ARHGAP32: variants seen among roughly 807,000 people sequenced by gnomAD.
The protein encoded by ARHGAP32 is Rho GTPase activating protein 32, also known as rho GTPase-activating protein 32.
A neutral mutation model predicts 186.5 loss-of-function variants in ARHGAP32; 51 were observed. The ratio of observed to expected loss-of-function variants is 0.27; its 90% confidence interval spans 0.22 to 0.35. The LOEUF is 0.35. Ranked by LOEUF, ARHGAP32 falls within the 10% of genes least tolerant of loss-of-function variation. ARHGAP32 has a pLI of 1.00. For missense variants in ARHGAP32, 2,186 were observed against 2,623.5 expected (o/e 0.83, Z 3.64); for synonymous variants, 950 against 964.3 (o/e 0.99, Z 0.27).
At chr11:128,984,395 A>G (rs1945802701) in intron 15 of ARHGAP32, among the ~76,000 whole-genome samples, 1 of 151,928 alleles carries the variant, frequency 6.6e-6, no homozygotes, top group Non-Finnish European at 1.5e-5. Flanking sequence ...AGGAAATAGA[A>G]AACACCCCAT....
At chr11:129,274,912 A>C (rs1448581353) in intron 1 of ARHGAP32, among the ~76,000 whole-genome samples, 2 of 152,022 alleles carry the variant, frequency 1.3e-5, no homozygotes, top group East Asian at 1.9e-4. Flanking sequence ...TTTCTAAAAA[A>C]AAAAAAAAGC....
chr11:129,002,911 C>A (rs968267370), intron 11 of ARHGAP32, among the ~76,000 whole-genome samples: 1 of 149,876 alleles, frequency 6.7e-6, no homozygotes, highest in East Asian at 2.0e-4. Context: ...CGGGTTCACG[C>A]CATTCTCCTG....
rs1408529391 is a variant in ARHGAP32 at position 128,969,008 on chromosome 11, G to A, written c.6205C>T (p.His2069Tyr). The change falls in exon 23 of 23, where the codon CAT becomes TAT. Residue 2069 changes from histidine to tyrosine, a missense_variant. Transcript: ENST00000682385. This position sits in a 1 kb window ranked among gnomAD's most constrained non-coding sequence, Gnocchi z 4.8. Reference sequence around the variant, plus strand: ...GTAGCATAGGTCCTGCTCTGTGGATGGGGAAAGCCAGGGGGCACATACGTC... The same window carrying A: ...GTAGCATAGGTCCTGCTCTGTGGATAGGGAAAGCCAGGGGGCACATACGTC... ...MGTYVPPGFP[H>Y]PQSRTYATAL... 1.2e-6 allele frequency: 2 copies of A among 1,610,310 alleles called. No individual in the cohort carries two copies. The highest frequency in any genetic ancestry group is 3.3e-5 in the Admixed American group (2 of 59,824).
intron 1 of ARHGAP32, among the ~76,000 whole-genome samples, chr11:129,187,003 C>T (rs746113864): frequency 2.6e-5 from 4 of 152,114 alleles, no homozygotes; most frequent in Non-Finnish European, 5.9e-5. Context: ...TCTAGCCATC[C>T]CACTGTTGGA....
At chr11:129,180,514 T>C (rs1489445520) in intron 1 of ARHGAP32, among the ~76,000 whole-genome samples, 2 of 152,160 alleles carry the variant, frequency 1.3e-5, no homozygotes, top group African/African-American at 4.8e-5. Context: ...TAAAAGTTTA[T>C]TGGTAAATGT....
intron 15 of ARHGAP32, among the ~76,000 whole-genome samples, chr11:128,983,414 T>C (rs1945766647): frequency 6.6e-6 from 1 of 151,144 alleles, no homozygotes; most frequent in Non-Finnish European, 1.5e-5. Context: ...AAACACCGCA[T>C]GTTCTCACTC....
At chr11:129,138,375 A>G (rs1942982554) in intron 2 of ARHGAP32, among the ~76,000 whole-genome samples, 1 of 151,968 alleles carries the variant, frequency 6.6e-6, no homozygotes, top group Admixed American at 6.6e-5. Flanking sequence ...GTATCCCTAT[A>G]ATCTGAACCA....
At chr11:129,021,959 T>A (rs1363360652) in intron 11 of ARHGAP32, among the ~76,000 whole-genome samples, 1 of 152,070 alleles carries the variant, frequency 6.6e-6, no homozygotes, top group African/African-American at 2.4e-5. Context: ...AAAATTGGAA[T>A]GGGATATTAT....
At chr11:129,174,116 T>C (rs1021252489) in intron 1 of ARHGAP32, among the ~76,000 whole-genome samples, 4 of 152,182 alleles carry the variant, frequency 2.6e-5, no homozygotes, top group Non-Finnish European at 2.9e-5. Flanking sequence ...GGGCGAGGCA[T>C]TGCCTCACTC....
Position 129,221,533 on chromosome 11 carries a change from GTT to G in ARHGAP32, c.-4-57108_-4-57107del, listed in dbSNP as rs1491197781. ...TGTGTGTGTGTGTGTGTGTGTGTGTGTTTATGGTAAAAATTCATAGGCAGCAG... is the reference window on the plus strand; with the variant it reads ...TGTGTGTGTGTGTGTGTGTGTGTGTGTATGGTAAAAATTCATAGGCAGCAG... On this transcript the variant is annotated intron_variant, in intron 1 of 6. Coordinates refer to the ARHGAP32 transcript ENST00000525234. Among the ~76,000 whole-genome samples, 116 of 82,196 alleles carry G rather than the reference GTT, an allele frequency of 1.4e-3. 1 individual carries two copies. Among genetic ancestry groups the G allele is most frequent in the East Asian group, 2.1e-3 (6 of 2,860 alleles). 53.9% of individuals were successfully genotyped at this position (82,196 alleles called of 152,430 possible). A position where few individuals can be genotyped will look rare whatever the true frequency, so the allele number is the denominator to read the frequency against.
At chr11:129,202,473 C>A (rs920710320) in intron 1 of ARHGAP32, among the ~76,000 whole-genome samples, 4 of 151,776 alleles carry the variant, frequency 2.6e-5, no homozygotes, top group African/African-American at 7.2e-5. Context: ...ATAAAGAAGG[C>A]AATATTCTTA....
At chr11:129,267,614 G>C (rs529248329) in intron 1 of ARHGAP32, among the ~76,000 whole-genome samples, 104 of 152,246 alleles carry the variant, frequency 6.8e-4, no homozygotes, top group African/African-American at 2.3e-3. Flanking sequence ...AGTTTTATTT[G>C]ATAAAATCAG....
intron 1 of ARHGAP32, among the ~76,000 whole-genome samples, chr11:129,189,193 A>G (rs1350032905): frequency 1.3e-5 from 2 of 152,216 alleles, no homozygotes; most frequent in Non-Finnish European, 2.9e-5. Flanking sequence ...CATTTAGCAG[A>G]AGATAGCCCC....
chr11:129,100,449 G>A (rs746310866), intron 5 of ARHGAP32, among the ~76,000 whole-genome samples: 1 of 152,106 alleles, frequency 6.6e-6, no homozygotes, highest in Non-Finnish European at 1.5e-5. Context: ...TGGCATCTAT[G>A]ACCATGCATC....
Position 129,013,409 on chromosome 11 carries a change from T to C in ARHGAP32, c.1046-14941A>G, listed in dbSNP as rs143531176. Among the ~76,000 whole-genome samples, 44 of 152,310 alleles carry C rather than the reference T, an allele frequency of 2.9e-4. 1 individual carries two copies. In the East Asian group the frequency reaches 8.3e-3, roughly 29 times the overall value. On this transcript the variant is annotated intron_variant, in intron 11 of 22. Coordinates refer to ENST00000682385, the MANE Select transcript of ARHGAP32 (RefSeq NM_001378024.1). ...CCATCTACATCCCAATCTGAGACAC[T>C]GAAATAATGGATATTCATAATGGTG...
intron 1 of ARHGAP32, among the ~76,000 whole-genome samples, chr11:129,250,343 T>C (rs1195693972): frequency 6.6e-6 from 1 of 152,248 alleles, no homozygotes; most frequent in Non-Finnish European, 1.5e-5. Context: ...CTATTTTCCC[T>C]AATTATCTTA....
At chr11:129,003,357 T>C (rs531436423) in intron 11 of ARHGAP32, among the ~76,000 whole-genome samples, 1 of 152,332 alleles carries the variant, frequency 6.6e-6, no homozygotes, top group East Asian at 1.9e-4. Flanking sequence ...CTTTTTTTGA[T>C]GTGTCATTTG....
At chr11:129,183,786 G>C (rs552728705) in intron 1 of ARHGAP32, among the ~76,000 whole-genome samples, 1 of 151,784 alleles carries the variant, frequency 6.6e-6, no homozygotes, top group East Asian at 1.9e-4. Flanking sequence ...TTGCATGAAA[G>C]GCACCACGAT....
At chr11:129,082,298 GC>G (rs1941244978) in intron 6 of ARHGAP32, among the ~76,000 whole-genome samples, 1 of 152,014 alleles carries the variant, frequency 6.6e-6, no homozygotes, top group East Asian at 1.9e-4. Context: ...CATAACCAAA[GC>G]AAGACTAAGC....
Sources: allele counts gnomAD v4.1 joint callset (sites outside exome capture counted in the v4.1 genomes callset), GRCh38; gene constraint gnomAD v4.1.1; non-coding constraint Gnocchi (gnomAD v3.1); transcripts MANE v1.5; gene names NCBI Gene and HGNC (gene_info 2026-07-23, HGNC 2026-07-21).